The following FAT3 variants were observed in gnomAD, a reference collection of about 807,000 sequenced individuals.
FAT3 encodes FAT atypical cadherin 3.
FAT3 carries 95 observed loss-of-function variants against 310.2 expected under a neutral mutation model. The ratio of observed to expected loss-of-function variants is 0.31; its 90% confidence interval spans 0.26 to 0.36. The LOEUF is 0.36. FAT3 is among the 10% of genes least tolerant of loss of function. FAT3 has a pLI of 1.00. For missense variants in FAT3, 5,408 were observed against 5,715.6 expected (o/e 0.95, Z 1.74); for synonymous variants, 2,314 against 2,192.9 (o/e 1.06, Z -1.54).
chr11:92,401,990 T>TA lies in FAT3; in HGVS notation c.3292+46589dup, dbSNP rs541389922. Among the ~76,000 whole-genome samples, 28 of 152,218 alleles carry TA rather than the reference T, an allele frequency of 1.8e-4. No individual in the cohort carries two copies. In the South Asian group the frequency reaches 5.8e-3, roughly 32 times the overall value. On this transcript the variant is annotated intron_variant, in intron 2 of 27. Coordinates refer to ENST00000525166, the MANE Select transcript of FAT3 (RefSeq NM_001367949.2). ...AAGAAACAAAAAACATCCAAAGACA[T>TA]AAAGCAAGCTTCAGAACCATACTCA...
chr11:92,551,457 T>A (rs1447308291), intron 3 of FAT3, among the ~76,000 whole-genome samples: 2 of 150,816 alleles, frequency 1.3e-5, no homozygotes, highest in Non-Finnish European at 3.0e-5. Context: ...TTCTCATCAA[T>A]AAACTTTTCT....
intron 7 of FAT3, among the ~76,000 whole-genome samples, chr11:92,782,073 C>G (rs1346486100): frequency 6.6e-6 from 1 of 152,030 alleles, no homozygotes; most frequent in Non-Finnish European, 1.5e-5. Flanking sequence ...TTTTGGGAGG[C>G]TGAGACGGGA....
At position 92,383,742 on chromosome 11, in the gene FAT3, C is replaced by G. The variant is rs115085918; in HGVS notation, c.3292+28338C>G. Among the ~76,000 whole-genome samples, 1,223 of 152,266 alleles carry G rather than the reference C, an allele frequency of 8.0e-3. 23 individuals carry two copies. The highest frequency in any genetic ancestry group is 0.028 in the African/African-American group (1,171 of 41,546). On this transcript the variant is annotated intron_variant, in intron 2 of 27. Transcript: ENST00000525166. The stretch of plus-strand genomic sequence containing the variant: ...TCCAGGATCTCATGAGAGATTTTGT[C>G]AAATGCCTTGCTGACATCCAGATAT...
At chr11:92,244,179 G>T (rs767603012) in intron 1 of FAT3, among the ~76,000 whole-genome samples, 19 of 152,038 alleles carry the variant, frequency 1.2e-4, no homozygotes, top group Non-Finnish European at 2.4e-4. Context: ...TGAAAGGTGA[G>T]ATTTTGAGAT....
At chr11:92,467,710 G>T (rs1234783190) in intron 2 of FAT3, among the ~76,000 whole-genome samples, 1 of 152,060 alleles carries the variant, frequency 6.6e-6, no homozygotes, top group Non-Finnish European at 1.5e-5. Context: ...CTTGATGATG[G>T]GTGTTGCTGA....
At chr11:92,239,628 G>C (rs1367154843) in intron 1 of FAT3, among the ~76,000 whole-genome samples, 1 of 152,036 alleles carries the variant, frequency 6.6e-6, no homozygotes, top group Non-Finnish European at 1.5e-5. Context: ...CCTGGGAATG[G>C]GCTATTATAA....
At chr11:92,836,442 A>T in intron 15 of FAT3, 124 bp from the exon 16 acceptor site, 1 of 1,104,226 alleles carries the variant, frequency 9.1e-7, no homozygotes, top group Non-Finnish European at 1.3e-6. Context: ...CACTAACATT[A>T]GAGAGCAGAG....
intron 19 of FAT3, among the ~76,000 whole-genome samples, chr11:92,845,530 G>A (rs993646653): frequency 1.3e-5 from 2 of 152,208 alleles, no homozygotes; most frequent in African/African-American, 4.8e-5. Flanking sequence ...GTTTGTTGAT[G>A]TAACTGGAGT....
At chr11:92,828,452 T>G (rs1948153934) in intron 13 of FAT3, among the ~76,000 whole-genome samples, 1 of 152,130 alleles carries the variant, frequency 6.6e-6, no homozygotes, top group Admixed American at 6.5e-5. Flanking sequence ...TTAGCAGGTT[T>G]TTTGTCCTGG....
intron 3 of FAT3, among the ~76,000 whole-genome samples, chr11:92,542,960 G>A (rs1221219438): frequency 6.6e-6 from 1 of 152,092 alleles, no homozygotes; most frequent in Admixed American, 6.6e-5. Context: ...TAAAGAAAAT[G>A]TGGTGTGTAT....
intron 3 of FAT3, among the ~76,000 whole-genome samples, chr11:92,654,535 A>G (rs1272760196): frequency 6.6e-6 from 1 of 152,212 alleles, no homozygotes; most frequent in Admixed American, 6.5e-5. Flanking sequence ...AAACCAAAGC[A>G]CAACAATGAA....
intron 13 of FAT3, among the ~76,000 whole-genome samples, chr11:92,819,058 C>T (rs1269130562): frequency 6.6e-6 from 1 of 152,170 alleles, no homozygotes; most frequent in Admixed American, 6.5e-5. Flanking sequence ...TCATAATAGC[C>T]CTGCAAGTTA....
intron 18 of FAT3, among the ~76,000 whole-genome samples, chr11:92,841,344 A>C (rs1006327014): frequency 6.6e-6 from 1 of 152,178 alleles, no homozygotes; most frequent in South Asian, 2.1e-4. Flanking sequence ...CAAGATTTGG[A>C]TCCCATCAGG....
intron 1 of FAT3, among the ~76,000 whole-genome samples, chr11:92,276,393 C>T (rs1017321771): frequency 3.3e-5 from 5 of 152,062 alleles, no homozygotes; most frequent in African/African-American, 1.2e-4. Flanking sequence ...CTTGCTTCCC[C>T]CATCTTCATG....
intron 3 of FAT3, among the ~76,000 whole-genome samples, chr11:92,533,517 G>C (rs1180241150): frequency 6.6e-6 from 1 of 152,148 alleles, no homozygotes; most frequent in Non-Finnish European, 1.5e-5. Context: ...GAGTTAACAG[G>C]ATTGTTACTT....
intron 4 of FAT3, among the ~76,000 whole-genome samples, chr11:92,718,500 A>G (rs1944757975): frequency 6.6e-6 from 1 of 152,204 alleles, no homozygotes; most frequent in Non-Finnish European, 1.5e-5. Flanking sequence ...AGACAGGGAC[A>G]GGATTGTGAT....
chr11:92,291,140 G>A (rs1946682725), intron 1 of FAT3, among the ~76,000 whole-genome samples: 1 of 144,372 alleles, frequency 6.9e-6, no homozygotes, highest in Admixed American at 7.0e-5. Flanking sequence ...GAAGTAGGTG[G>A]GTATTTTCTC....
At position 92,316,062 on chromosome 11, in the gene FAT3, AGTGATTATATGTTTTG is replaced by A. The variant is rs573772685; in HGVS notation, c.-17-36029_-17-36014del. Among the ~76,000 whole-genome samples, 44 of 152,172 alleles carry A rather than the reference AGTGATTATATGTTTTG, an allele frequency of 2.9e-4. No individual in the cohort carries two copies. In the South Asian group the frequency reaches 8.5e-3, roughly 29 times the overall value. On this transcript the variant is annotated intron_variant, in intron 1 of 27. Transcript: ENST00000525166. Reference sequence around the variant, plus strand: ...TTAAAAGATTTCCTAAGGGATTTCCAGTGATTATATGTTTTGGTGAAAAAAAGGATTCAAAAGTAAA... The same window carrying A: ...TTAAAAGATTTCCTAAGGGATTTCCAGTGAAAAAAAGGATTCAAAAGTAAA...
chr11:92,494,031 AT>A (rs5793604), intron 2 of FAT3, among the ~76,000 whole-genome samples: 4,574 of 144,276 alleles, frequency 0.032, 85 homozygotes, highest in East Asian at 0.11. Context: ...ATCTGATTCT[AT>A]TTTTTTTTTT....
Sources: gnomAD v4.1 joint callset for allele counts (sites outside exome capture counted in the v4.1 genomes callset) on GRCh38, gnomAD v4.1.1 for gene constraint, MANE v1.5 for transcripts, NCBI Gene and HGNC (gene_info 2026-07-23, HGNC 2026-07-21) for gene names.